Variants in XPR1 observed in about 807,000 individuals in gnomAD.
XPR1 encodes the protein xenotropic and polytropic retrovirus receptor 1, also known as solute carrier family 53 member 1.
In XPR1, 28 loss-of-function variants were observed where a neutral mutation model predicts 87.5. The ratio of observed to expected loss-of-function variants is 0.32; its 90% CI spans 0.24 to 0.44. XPR1 has a LOEUF of 0.44. Among genes scored for constraint, XPR1 ranks in the 20% least tolerant of loss-of-function variants. XPR1 has a pLI of 1.00. For missense variants in XPR1, 559 were observed against 862.3 expected (o/e 0.65, Z 4.41); for synonymous variants, 300 against 306.1 (o/e 0.98, Z 0.21).
chr1:180,692,050 A>T (rs1022211031), intron 2 of XPR1, among the ~76,000 whole-genome samples: 3 of 152,148 alleles, frequency 2.0e-5, no homozygotes, highest in African/African-American at 7.2e-5. Flanking sequence ...CTCTAAAAAA[A>T]TTATTTACAT....
intron 1 of XPR1, among the ~76,000 whole-genome samples, chr1:180,633,527 A>G (rs1654663718): frequency 6.6e-6 from 1 of 152,248 alleles, no homozygotes; most frequent in Non-Finnish European, 1.5e-5. Context: ...TGAAGAAGAC[A>G]GGGAAAGAGA....
chr1:180,790,468 CCATGAAAGAA>C (rs112484608), intron 3 of XPR1, among the ~76,000 whole-genome samples: 3,988 of 151,934 alleles, frequency 0.026, 183 homozygotes, highest in African/African-American at 0.091. Flanking sequence ...CAAGCAAGAG[CCATGAAAGAA>C]CATGGCATAT....
At chr1:180,669,443 C>T (rs997267427) in intron 1 of XPR1, among the ~76,000 whole-genome samples, 1 of 151,866 alleles carries the variant, frequency 6.6e-6, no homozygotes. Context: ...AGTGCAGTGG[C>T]GCAATCTTGG....
intron 11 of XPR1, among the ~76,000 whole-genome samples, chr1:180,851,652 ATG>A (rs763949430): frequency 5.9e-5 from 9 of 152,192 alleles, no homozygotes; most frequent in Non-Finnish European, 1.3e-4. Context: ...TGTTGATCAA[ATG>A]TGTAACAGAA....
intron 11 of XPR1, among the ~76,000 whole-genome samples, chr1:180,852,823 A>C (rs1165101988): frequency 6.6e-6 from 1 of 152,184 alleles, no homozygotes; most frequent in Non-Finnish European, 1.5e-5. Flanking sequence ...CACCACGTCC[A>C]GCCTTCCACA....
chr1:180,678,387 C>T (rs114876654), intron 1 of XPR1, among the ~76,000 whole-genome samples: 60 of 152,328 alleles, frequency 3.9e-4, no homozygotes, highest in African/African-American at 1.4e-3. Flanking sequence ...CTTTGTCCCA[C>T]TGCCTCCCAT....
Position 180,763,023 on chromosome 1 carries a change from T to C in XPR1, c.122-24730T>C, listed in dbSNP as rs879332621. 7.2e-4 allele frequency among the ~76,000 whole-genome samples: 109 copies of C among 152,344 alleles called. 1 individual carries two copies. Among genetic ancestry groups the C allele is most frequent in the Admixed American group, 4.4e-3 (67 of 15,300 alleles). ...ACTTGCGTTCACTGGGAAGCTGGAC[T>C]GTATGACAACCGGAAGATTTTGTTA... On this transcript the variant is annotated intron_variant, in intron 2 of 14. Coordinates refer to ENST00000367590, the MANE Select transcript of XPR1 (RefSeq NM_004736.4).
intron 2 of XPR1, among the ~76,000 whole-genome samples, chr1:180,691,583 C>T (rs938854778): frequency 2.0e-5 from 3 of 152,124 alleles, no homozygotes; most frequent in Non-Finnish European, 4.4e-5. Context: ...CTCTGTTTTT[C>T]TGCCATTTCT....
chr1:180,718,284 G>GT (rs897691776), intron 2 of XPR1, among the ~76,000 whole-genome samples: 88 of 152,248 alleles, frequency 5.8e-4, no homozygotes, highest in African/African-American at 2.0e-3. Context: ...TTGAAGAAAA[G>GT]TTTAACATAG....
intron 7 of XPR1, among the ~76,000 whole-genome samples, chr1:180,813,111 A>T (rs1443489174): frequency 6.8e-6 from 1 of 147,090 alleles, no homozygotes; most frequent in African/African-American, 2.5e-5. Flanking sequence ...CTCTTAAAAT[A>T]AAATCCAAAC....
At chr1:180,858,915 T>C (rs545938501) in intron 11 of XPR1, among the ~76,000 whole-genome samples, 5 of 152,292 alleles carry the variant, frequency 3.3e-5, no homozygotes, top group South Asian at 2.1e-4. Context: ...AATCTGACAA[T>C]TCAAAGGTTT....
chr1:180,699,349 T>A lies in XPR1; in HGVS notation c.121+16938T>A, dbSNP rs1297301854. 3.7e-4 allele frequency among the ~76,000 whole-genome samples: 43 copies of A among 115,852 alleles called. No individual in the cohort carries two copies. In the East Asian group the frequency reaches 6.9e-3, roughly 19 times the overall value. 76.0% of individuals were successfully genotyped at this position (115,852 alleles called of 152,430 possible). ...ATCTAGCATTAGGTATATCTCCCAATGCTATCCCTCCCCCCTCCCCCGACC... is the reference window on the plus strand; with the variant it reads ...ATCTAGCATTAGGTATATCTCCCAAAGCTATCCCTCCCCCCTCCCCCGACC... On this transcript the variant is annotated intron_variant, in intron 2 of 14. Coordinates refer to ENST00000367590, the MANE Select transcript of XPR1 (RefSeq NM_004736.4).
At chr1:180,813,456 C>T (rs1356130240) in intron 7 of XPR1, among the ~76,000 whole-genome samples, 1 of 152,136 alleles carries the variant, frequency 6.6e-6, no homozygotes, top group African/African-American at 2.4e-5. Flanking sequence ...ACTTACCTGA[C>T]ATTATATATT....
At chr1:180,683,575 C>T (rs1414473374) in intron 2 of XPR1, among the ~76,000 whole-genome samples, 6 of 152,112 alleles carry the variant, frequency 3.9e-5, no homozygotes, top group Non-Finnish European at 8.8e-5. Context: ...AGTTTATGGT[C>T]CCACCGACAG....
At chr1:180,770,727 C>G (rs1648482675) in intron 2 of XPR1, among the ~76,000 whole-genome samples, 1 of 152,174 alleles carries the variant, frequency 6.6e-6, no homozygotes, top group Admixed American at 6.5e-5. Context: ...GATTATTTTA[C>G]TCCCCTGCTT....
At chr1:180,721,161 C>T (rs957518091) in intron 2 of XPR1, among the ~76,000 whole-genome samples, 20 of 149,944 alleles carry the variant, frequency 1.3e-4, no homozygotes, top group South Asian at 4.2e-4. Flanking sequence ...GCAGAGATTG[C>T]GGTGAGCTGA....
At chr1:180,670,812 C>T (rs141612234) in intron 1 of XPR1, among the ~76,000 whole-genome samples, 211 of 152,292 alleles carry the variant, frequency 1.4e-3, no homozygotes, top group African/African-American at 4.3e-3. Flanking sequence ...CAAACTTCTT[C>T]AGCTGTTTGA....
chr1:180,873,438 T>G (rs1652567870), intron 12 of XPR1, among the ~76,000 whole-genome samples: 1 of 152,256 alleles, frequency 6.6e-6, no homozygotes, highest in Non-Finnish European at 1.5e-5. Context: ...ATATTAGCTA[T>G]TAAGTCTACT....
intron 2 of XPR1, among the ~76,000 whole-genome samples, chr1:180,719,948 C>T (rs1482169821): frequency 1.3e-5 from 2 of 152,114 alleles, no homozygotes; most frequent in African/African-American, 4.8e-5. Context: ...TATGTTAGGG[C>T]TCTGTCTAGT....
Sources: gnomAD v4.1 joint callset for allele counts (sites outside exome capture counted in the v4.1 genomes callset) on GRCh38, gnomAD v4.1.1 for gene constraint, MANE v1.5 for transcripts, NCBI Gene and HGNC (gene_info 2026-07-23, HGNC 2026-07-21) for gene names.